The following CAMTA1 variants were observed in gnomAD, a reference collection of about 807,000 sequenced individuals.
The protein encoded by CAMTA1 is calmodulin binding transcription activator 1.
In CAMTA1, 27 loss-of-function variants were observed where a neutral mutation model predicts 170.9. That is an observed-to-expected ratio of 0.16 (90% CI 0.12 to 0.22). The LOEUF is 0.22. CAMTA1 is among the 10% of genes least tolerant of loss of function. The pLI is 1.00. For missense variants in CAMTA1, 1,619 were observed against 2,217.2 expected (o/e 0.73, Z 5.42); for synonymous variants, 833 against 891.5 (o/e 0.93, Z 1.17).
chr1:7,272,310 A>T (rs907460751), intron 5 of CAMTA1, among the ~76,000 whole-genome samples: 1 of 152,200 alleles, frequency 6.6e-6, no homozygotes, highest in Non-Finnish European at 1.5e-5. Flanking sequence ...TATTGTTCAG[A>T]TGGCAGTACT....
intron 5 of CAMTA1, among the ~76,000 whole-genome samples, chr1:7,446,208 CTG>C (rs1175696984): frequency 6.7e-6 from 1 of 149,306 alleles, no homozygotes; most frequent in Non-Finnish European, 1.5e-5. Context: ...CTAGCAAACA[CTG>C]AGAGACCTAG....
At chr1:7,151,524 C>T (rs549508634) in intron 4 of CAMTA1, among the ~76,000 whole-genome samples, 65 of 152,322 alleles carry the variant, frequency 4.3e-4, no homozygotes, top group African/African-American at 1.5e-3. Flanking sequence ...AGCCATCCTC[C>T]GAGACGGGAG....
chr1:7,265,680 ATATAT>A (rs1668820051), intron 5 of CAMTA1, among the ~76,000 whole-genome samples: 1 of 152,200 alleles, frequency 6.6e-6, no homozygotes, highest in South Asian at 2.1e-4. Flanking sequence ...AATAGATAAA[ATATAT>A]TATTAAAATT....
At chr1:7,084,294 C>T (rs538628394) in intron 3 of CAMTA1, among the ~76,000 whole-genome samples, 42 of 152,236 alleles carry the variant, frequency 2.8e-4, no homozygotes, top group African/African-American at 4.1e-4. Flanking sequence ...AGATGGAGGA[C>T]GGACTGTCTG....
At chr1:7,207,693 A>T (rs1658006618) in intron 4 of CAMTA1, among the ~76,000 whole-genome samples, 1 of 152,052 alleles carries the variant, frequency 6.6e-6, no homozygotes. Flanking sequence ...CTTATTTCTT[A>T]TGACCAAACC....
At chr1:7,552,097 CCA>C (rs2094810827) in intron 6 of CAMTA1, among the ~76,000 whole-genome samples, 2 of 152,326 alleles carry the variant, frequency 1.3e-5, no homozygotes, top group South Asian at 4.1e-4. Flanking sequence ...GATTCAAACC[CCA>C]GTCTGACCCC....
At chr1:7,538,667 A>T (rs1293259265) in intron 6 of CAMTA1, among the ~76,000 whole-genome samples, 1 of 152,236 alleles carries the variant, frequency 6.6e-6, no homozygotes, top group African/African-American at 2.4e-5. Context: ...CAACAAAAAA[A>T]AATGAACAAA....
At chr1:6,862,594 T>A (rs1665165769) in intron 3 of CAMTA1, among the ~76,000 whole-genome samples, 1 of 152,260 alleles carries the variant, frequency 6.6e-6, no homozygotes, top group African/African-American at 2.4e-5. Flanking sequence ...CTTTCTTAGA[T>A]CACTATTAAG....
In CAMTA1 at chr1:7,251,909, T is replaced by C. The variant is rs892418956; in HGVS notation, c.438+2283T>C. ...TGTGTGCGTATGTGCAATTTACATA[T>C]TGTTTGCAGTTTACCTTTTCCACTC... is the stretch of plus-strand genomic sequence containing the variant. On this transcript the variant is annotated intron_variant, in intron 5 of 22. Transcript: ENST00000303635. The surrounding 1 kb of genome is among the most constrained non-coding windows in gnomAD (Gnocchi z 5.1). Among the ~76,000 whole-genome samples the C allele has an allele frequency of 1.3e-5, 2 of 152,258 alleles. No individual in the cohort carries two copies. The highest frequency in any genetic ancestry group is 1.3e-4 in the Admixed American group (2 of 15,296).
chr1:7,554,157 C>T (rs865784983), intron 6 of CAMTA1, among the ~76,000 whole-genome samples: 5 of 152,246 alleles, frequency 3.3e-5, no homozygotes, highest in African/African-American at 7.2e-5. Flanking sequence ...GAGTCATTCC[C>T]GGGTTCGTTT....
At chr1:7,003,267 C>G (rs1276591044) in intron 3 of CAMTA1, among the ~76,000 whole-genome samples, 1 of 152,210 alleles carries the variant, frequency 6.6e-6, no homozygotes, top group African/African-American at 2.4e-5. Flanking sequence ...TGATACCTGC[C>G]CCACCACCAC....
chr1:7,681,383 C>A lies in CAMTA1; in HGVS notation c.2914+3650C>A, dbSNP rs573733582. 6.6e-6 allele frequency among the ~76,000 whole-genome samples: 1 copy of A among 152,180 alleles called. No individual in the cohort carries two copies. The highest frequency in any genetic ancestry group is 2.4e-5 in the African/African-American group (1 of 41,436). ...ACCTGAAGCCTGAGCAGGGTTAGCCCGGGAAGAGGGGGCATCAAGGGTGGC... is the reference window on the plus strand; with the variant it reads ...ACCTGAAGCCTGAGCAGGGTTAGCCAGGGAAGAGGGGGCATCAAGGGTGGC... On this transcript the variant is annotated intron_variant, in intron 11 of 22. Coordinates refer to ENST00000303635, the MANE Select transcript of CAMTA1 (RefSeq NM_015215.4). This position sits in a 1 kb window ranked among gnomAD's most constrained non-coding sequence, Gnocchi z 4.6.
chr1:7,611,169 C>G (rs936138850), intron 6 of CAMTA1, among the ~76,000 whole-genome samples: 3 of 152,172 alleles, frequency 2.0e-5, no homozygotes, highest in African/African-American at 7.2e-5. Flanking sequence ...GGGCCTAGTC[C>G]ATGCTCTCGG....
chr1:7,051,088 G>A lies in CAMTA1; in HGVS notation c.235-40216G>A, dbSNP rs574194196. On this transcript the variant is annotated intron_variant, in intron 3 of 22. Transcript: ENST00000303635. ...TGAGGCGCTGCGGCAAGGTGCCCAC[G>A]TCCCTCTGGTGATCTGGAGACACGG... is the stretch of plus-strand genomic sequence containing the variant. Among the ~76,000 whole-genome samples the A allele has an allele frequency of 4.6e-5, 7 of 152,272 alleles. No homozygotes were observed. In the South Asian group the frequency reaches 8.3e-4, roughly 18 times the overall value.
intron 4 of CAMTA1, among the ~76,000 whole-genome samples, chr1:7,100,469 G>A (rs1029504018): frequency 2.0e-5 from 3 of 152,044 alleles, no homozygotes; most frequent in African/African-American, 7.2e-5. Context: ...TTCGTTTCCT[G>A]CTCACTCTCA....
chr1:6,814,028 G>C (rs1390532269), intron 1 of CAMTA1, among the ~76,000 whole-genome samples: 2 of 152,082 alleles, frequency 1.3e-5, no homozygotes, highest in African/African-American at 4.8e-5. Context: ...TTATGTACCA[G>C]ACATTGTATT....
intron 4 of CAMTA1, among the ~76,000 whole-genome samples, chr1:7,186,223 A>G (rs1653238774): frequency 6.6e-6 from 1 of 152,172 alleles, no homozygotes; most frequent in Non-Finnish European, 1.5e-5. Flanking sequence ...AGATAAAGAC[A>G]TTTGGGGAAT....
At chr1:6,833,517 G>T (rs1570643085) in intron 3 of CAMTA1, among the ~76,000 whole-genome samples, 1 of 152,180 alleles carries the variant, frequency 6.6e-6, no homozygotes, top group South Asian at 2.1e-4. Flanking sequence ...CGCAACATGA[G>T]TATCATACTG....
intron 5 of CAMTA1, among the ~76,000 whole-genome samples, chr1:7,383,897 G>C (rs1476643566): frequency 6.6e-6 from 1 of 152,134 alleles, no homozygotes; most frequent in Non-Finnish European, 1.5e-5. Flanking sequence ...CCTCGGTGCG[G>C]GTATGCAGAG....
Sources: allele counts gnomAD v4.1 joint callset (sites outside exome capture counted in the v4.1 genomes callset), GRCh38; gene constraint gnomAD v4.1.1; non-coding constraint Gnocchi (gnomAD v3.1); transcripts MANE v1.5; gene names NCBI Gene and HGNC (gene_info 2026-07-23, HGNC 2026-07-21).